Variants in WHRN observed in about 807,000 individuals in gnomAD.
The protein encoded by WHRN is CASK-interacting protein CIP98.
A neutral mutation model predicts 68.3 loss-of-function variants in WHRN; 41 were observed. The observed-to-expected ratio is 0.60, with a 90% CI of 0.47 to 0.78. WHRN has a LOEUF of 0.78. WHRN is among the 30% of genes least tolerant of loss of function. The pLI, the probability that WHRN is intolerant of heterozygous loss-of-function variation, is 0.00. For synonymous variants in WHRN, 560 were observed against 561.3 expected, an observed-to-expected ratio of 1.00 and a Z score of 0.03; for missense variants, 1,243 against 1,244.7, an observed-to-expected ratio of 1.00 and a Z score of 0.02.
At chr9:114,437,446 T>C (rs1255868133) in intron 3 of WHRN, among the ~76,000 whole-genome samples, 1 of 151,972 alleles carries the variant, frequency 6.6e-6, no homozygotes, top group East Asian at 1.9e-4. Context: ...ATAAGCAAAG[T>C]CAAAAGAAAA....
intron 1 of WHRN, among the ~76,000 whole-genome samples, chr9:114,502,283 C>T (rs1843999083): frequency 6.6e-6 from 1 of 152,204 alleles, no homozygotes; most frequent in African/African-American, 2.4e-5. Context: ...CTCACACAGG[C>T]TCCTGCACCA....
At chr9:114,464,397 C>T (rs1840489870) in intron 3 of WHRN, among the ~76,000 whole-genome samples, 2 of 152,192 alleles carry the variant, frequency 1.3e-5, no homozygotes, top group African/African-American at 4.8e-5. Flanking sequence ...AAGACGCCAG[C>T]AGGTTCAGTG....
intron 2 of WHRN, among the ~76,000 whole-genome samples, chr9:114,467,440 GACTGGCGTGGGGGGGTGCTTCCTGGAGAA>G (rs991570025): frequency 1.3e-5 from 2 of 151,738 alleles, no homozygotes; most frequent in African/African-American, 4.9e-5. Context: ...CAATGGTCCT[GACTGGCGTGGGGGGGTGCTTCCTGGAGAA>G]AGTGGCATCT....
chr9:114,411,791 G>A (rs372930189), intron 7 of WHRN, among the ~76,000 whole-genome samples: 28 of 152,342 alleles, frequency 1.8e-4, no homozygotes, highest in African/African-American at 5.8e-4. Context: ...AGAGAGGGAA[G>A]AGACTTGTCC....
intron 3 of WHRN, among the ~76,000 whole-genome samples, chr9:114,450,206 C>T (rs982733407): frequency 6.6e-6 from 1 of 152,180 alleles, no homozygotes; most frequent in South Asian, 2.1e-4. Context: ...AAATTGTCAT[C>T]CTACCTTCTG....
chr9:114,428,263 T>C (rs1273024390), intron 3 of WHRN, among the ~76,000 whole-genome samples: 1 of 152,162 alleles, frequency 6.6e-6, no homozygotes, highest in Non-Finnish European at 1.5e-5. Context: ...GAGGCAGAGA[T>C]TGCAGTGAGC....
chr9:114,501,773 A>G (rs1843954273), intron 1 of WHRN, among the ~76,000 whole-genome samples: 1 of 152,236 alleles, frequency 6.6e-6, no homozygotes, highest in South Asian at 2.1e-4. Context: ...AGTCCAGTTA[A>G]CAGTAATGTA....
chr9:114,494,807 T>C (rs1331190148), intron 1 of WHRN, among the ~76,000 whole-genome samples: 6 of 152,194 alleles, frequency 3.9e-5, no homozygotes, highest in Non-Finnish European at 7.3e-5. Flanking sequence ...CTGAAAACAG[T>C]GTCTGGTTCA....
intron 2 of WHRN, among the ~76,000 whole-genome samples, chr9:114,468,094 C>T (rs1012394922): frequency 8.5e-5 from 13 of 152,198 alleles, no homozygotes; most frequent in African/African-American, 2.9e-4. Context: ...GGGGAGGGCA[C>T]AGCTGTGTGA....
chr9:114,492,015 GAAAAAAA>G (rs60968756), intron 1 of WHRN, among the ~76,000 whole-genome samples: 1 of 144,524 alleles, frequency 6.9e-6, no homozygotes, highest in Non-Finnish European at 1.5e-5. Context: ...TTTGTAATTT[GAAAAAAA>G]AAAAAAAGAG....
At chr9:114,425,087 G>C (rs747892499) in intron 4 of WHRN, 63 bp from the exon 5 acceptor site, 1 of 1,545,942 alleles carries the variant, frequency 6.5e-7, no homozygotes, top group Admixed American at 1.7e-5. Flanking sequence ...CGTGGGCAAG[G>C]GACAGGGTGA....
chr9:114,431,996 A>G (rs1257108744), intron 3 of WHRN, among the ~76,000 whole-genome samples: 1 of 152,220 alleles, frequency 6.6e-6, no homozygotes, highest in East Asian at 1.9e-4. Context: ...CGAGTGTCTA[A>G]TATTGCTCAG....
chr9:114,424,646 T>A (rs1836649500), intron 5 of WHRN, 100 bp from the exon 6 acceptor site: 2 of 1,278,014 alleles, frequency 1.6e-6, no homozygotes, highest in Non-Finnish European at 2.2e-6. Context: ...CTAAGTGTGG[T>A]GTTTCATCTG....
intron 3 of WHRN, among the ~76,000 whole-genome samples, chr9:114,447,791 T>C (rs1838967238): frequency 6.6e-6 from 1 of 151,904 alleles, no homozygotes; most frequent in African/African-American, 2.4e-5. Context: ...TGTCTCTCTC[T>C]CTCCCCCAGC....
chr9:114,459,308 A>AAT (rs1293960421), intron 3 of WHRN, among the ~76,000 whole-genome samples: 1 of 151,468 alleles, frequency 6.6e-6, no homozygotes, highest in African/African-American at 2.4e-5. Flanking sequence ...AAATACAAAA[A>AAT]AAAAAATTAG....
intron 4 of WHRN, chr9:114,425,267 C>T (rs949816584): frequency 1.5e-5 from 10 of 654,062 alleles, no homozygotes; most frequent in Non-Finnish European, 2.8e-5. Context: ...CCGAGGTGGG[C>T]TCCTGAGTTG....
At chr9:114,465,455 C>T (rs186940822) in intron 3 of WHRN, among the ~76,000 whole-genome samples, 1 of 152,310 alleles carries the variant, frequency 6.6e-6, no homozygotes, top group East Asian at 1.9e-4. Flanking sequence ...CTCTCTCACA[C>T]TCCCCATGGC....
In WHRN at chr9:114,505,282, G is replaced by A. The variant is rs1279325005; in HGVS notation, c.-481C>T. 1.3e-5 allele frequency: 2 copies of A among 155,062 alleles called. No homozygotes were observed. The highest frequency in any genetic ancestry group is 2.4e-5 in the African/African-American group (1 of 41,526). The allele number at this position is 155,062 out of a possible 1,614,324, so 9.6% of individuals were successfully genotyped here. A position where few individuals can be genotyped will look rare whatever the true frequency, so the allele number is the denominator to read the frequency against. On this transcript the variant is annotated 5_prime_UTR_variant, in exon 1 of 12. Coordinates refer to ENST00000362057, the MANE Select transcript of WHRN (RefSeq NM_015404.4). ...GGGGGACCCCAAAGTCAGAAGTTGGGGCGGAGGGCGCTCTAGTCCCAGAGC... is the reference window on the plus strand; with the variant it reads ...GGGGGACCCCAAAGTCAGAAGTTGGAGCGGAGGGCGCTCTAGTCCCAGAGC...
intron 7 of WHRN, among the ~76,000 whole-genome samples, chr9:114,416,882 C>T (rs1386326596): frequency 2.0e-5 from 3 of 152,122 alleles, no homozygotes; most frequent in African/African-American, 4.8e-5. Context: ...AAATGGAGGC[C>T]CAGAAGACAC....
Sources: gnomAD v4.1 joint callset for allele counts (sites outside exome capture counted in the v4.1 genomes callset) on GRCh38, gnomAD v4.1.1 for gene constraint, MANE v1.5 for transcripts, NCBI Gene and HGNC (gene_info 2026-07-23, HGNC 2026-07-21) for gene names.